The following LSG1 variants were observed in gnomAD, a reference collection of about 807,000 sequenced individuals.
LSG1 encodes the protein large subunit GTPase 1 homolog.
In LSG1, 55 loss-of-function variants were observed where a neutral mutation model predicts 82.6. That is an observed-to-expected ratio of 0.67 (90% CI 0.54 to 0.83). LSG1 has a LOEUF of 0.83. LSG1 is among the 40% of genes least tolerant of loss of function. The pLI is 0.00. For synonymous variants in LSG1, 272 were observed against 282.5 expected, an observed-to-expected ratio of 0.96 and a Z score of 0.37; for missense variants, 809 against 807.9, an observed-to-expected ratio of 1.00 and a Z score of -0.02.
intron 7 of LSG1, among the ~76,000 whole-genome samples, chr3:194,655,510 T>C (rs1577255242): frequency 1.3e-5 from 2 of 152,226 alleles, no homozygotes; most frequent in East Asian, 3.8e-4. Context: ...GGTAAGTATC[T>C]ATACTTACTG....
chr3:194,654,905 T>C (rs2108618121), intron 7 of LSG1, among the ~76,000 whole-genome samples: 2 of 152,326 alleles, frequency 1.3e-5, no homozygotes, highest in African/African-American at 4.8e-5. Flanking sequence ...TCACATTTTT[T>C]CAGAACATTC....
At chr3:194,670,528 C>T (rs1367662516) in intron 1 of LSG1, among the ~76,000 whole-genome samples, 1 of 152,118 alleles carries the variant, frequency 6.6e-6, no homozygotes, top group Non-Finnish European at 1.5e-5. Flanking sequence ...ATAAGAAATA[C>T]ATTTTACATA....
Position 194,652,830 on chromosome 3 carries a change from G to T in LSG1, c.1072C>A (p.His358Asn), listed in dbSNP as rs768252549. 3.7e-6 allele frequency: 6 copies of T among 1,614,138 alleles called. No individual in the cohort carries two copies. The Middle Eastern group carries it at 4.9e-4, about 133-fold the overall frequency. ...SRKTPQKRQI[H>N]NFSHLVSKQE... is the part of the protein sequence containing the mutation. ...TTGGATACCAGATGGCTAAAATTGT[G>T]TATCTGCCTCTTCTGTGGGGTTTTC... The change falls in exon 8 of 14, where the codon CAC becomes AAC. Residue 358 changes from histidine to asparagine, a missense_variant. Physicochemically the swap from His to Asn is moderately conservative, Grantham distance 68. Transcript: ENST00000265245.
intron 5 of LSG1, among the ~76,000 whole-genome samples, chr3:194,663,174 C>T (rs541605917): frequency 1.3e-5 from 2 of 152,158 alleles, no homozygotes; most frequent in African/African-American, 2.4e-5. Flanking sequence ...CATTTCTCTT[C>T]GGAAATTAGA....
At chr3:194,661,070 C>T (rs1419809159) in intron 5 of LSG1, among the ~76,000 whole-genome samples, 2 of 152,142 alleles carry the variant, frequency 1.3e-5, no homozygotes, top group African/African-American at 4.8e-5. Flanking sequence ...TCTGAGGCAA[C>T]TTTGCAAATA....
intron 1 of LSG1, 191 bp downstream of exon 1, chr3:194,671,873 C>G: frequency 1.6e-6 from 1 of 636,374 alleles, no homozygotes; most frequent in East Asian, 2.8e-5. Context: ...TTCTTTCAAG[C>G]TTCTCCTACC....
rs768473820 is a variant in LSG1 at position 194,648,722 on chromosome 3, T to C, written c.1502A>G (p.His501Arg). ...IITPREDEDP[H>R]RPPTSEELLT... is the part of the protein sequence containing the mutation. Reference sequence around the variant, plus strand: ...CAGTTCTTCCGATGTTGGAGGTCGGTGGGGATCTTCATCCTCTCTAGGCGT... The same window carrying C: ...CAGTTCTTCCGATGTTGGAGGTCGGCGGGGATCTTCATCCTCTCTAGGCGT... Residue 501 changes from histidine (H) to arginine (R), a missense_variant, in exon 11 of 14, where the codon CAC (histidine) becomes CGC (arginine). By Grantham distance (29) the His-to-Arg change is conservative. Coordinates refer to ENST00000265245, the MANE Select transcript of LSG1 (RefSeq NM_018385.3). 24 of 1,614,028 alleles carry C rather than the reference T, an allele frequency of 1.5e-5. No homozygotes were observed. The East Asian group carries it at 4.7e-4, about 31-fold the overall frequency.
At chr3:194,667,933 A>AAAAAAAAAAG (rs1719062766) in intron 2 of LSG1, among the ~76,000 whole-genome samples, 1 of 105,198 alleles carries the variant, frequency 9.5e-6, no homozygotes. Context: ...CAAAAAAAAA[A>AAAAAAAAAAG]AAAAAAAAAA....
Position 194,660,809 on chromosome 3 carries a change from AATAAG to A in LSG1, c.522-681_522-677del, listed in dbSNP as rs551983433. On this transcript the variant is annotated intron_variant, in intron 5 of 13. Coordinates refer to ENST00000265245, the MANE Select transcript of LSG1 (RefSeq NM_018385.3). ...TCCATCACGTATAAGAAAGTACAGC[AATAAG>A]ATAACTTTCTGCAGCTGGTGGCAAG... The A allele has an allele frequency of 7.9e-5, 36 of 455,828 alleles. No homozygotes were observed. The East Asian group carries it at 1.7e-3, about 21-fold the overall frequency. The allele number at this position is 455,828 out of a possible 1,614,324, so 28.2% of individuals were successfully genotyped here. A position where few individuals can be genotyped will look rare whatever the true frequency, so the allele number is the denominator to read the frequency against.
Position 194,653,132 on chromosome 3 carries a change from T to A in LSG1, c.770A>T (p.Asn257Ile). The A allele has an allele frequency of 6.2e-7, 1 of 1,613,316 alleles. No homozygotes were observed. Among genetic ancestry groups the A allele is most frequent in the Non-Finnish European group, 8.5e-7 (1 of 1,179,400 alleles). The change falls in exon 8 of 14, where the codon AAC (asparagine) becomes ATC (isoleucine). Residue 257 changes from asparagine to isoleucine, a missense_variant. Transcript: ENST00000265245. ...TGTGTTGCTTTGTCTATCATCTCTGTTTGCCTCTTCCTGACAAAATAATAG... is the reference window on the plus strand; with the variant it reads ...TGTGTTGCTTTGTCTATCATCTCTGATTGCCTCTTCCTGACAAAATAATAG... The part of the protein sequence containing the change: ...PLNGDSEEEA[N>I]RDDRQSNTTK...
chr3:194,666,374 GA>G (rs1348472821), intron 3 of LSG1, 77 bp downstream of exon 3: 2 of 1,599,450 alleles, frequency 1.3e-6, no homozygotes, highest in Non-Finnish European at 1.7e-6. Context: ...TGGCAGCTGA[GA>G]AAAAGAAGCA....
At chr3:194,668,566 C>G (rs954813632) in intron 2 of LSG1, among the ~76,000 whole-genome samples, 1 of 152,184 alleles carries the variant, frequency 6.6e-6, no homozygotes, top group Non-Finnish European at 1.5e-5. Flanking sequence ...GTCTGGTTTA[C>G]TCTAGCTCCT....
chr3:194,644,230 C>T (rs958146438), intron 13 of LSG1, among the ~76,000 whole-genome samples: 1 of 151,542 alleles, frequency 6.6e-6, no homozygotes, highest in Non-Finnish European at 1.5e-5. Flanking sequence ...GGCGTGGTGG[C>T]GGGCGCCTGT....
chr3:194,642,367 GC>G (rs1406595814), intron 13 of LSG1, 120 bp from the exon 14 acceptor site: 21 of 707,810 alleles, frequency 3.0e-5, no homozygotes, highest in East Asian at 6.0e-5. Flanking sequence ...GTGAACTTCC[GC>G]CCCCCTCCCC....
intron 13 of LSG1, among the ~76,000 whole-genome samples, chr3:194,644,319 G>A (rs60958848): frequency 0.04 from 5,830 of 145,602 alleles, 382 homozygotes; most frequent in African/African-American, 0.14. Context: ...CCAAGATTGC[G>A]CCACTGCAGT....
chr3:194,644,368 CAA>C (rs1395757240), intron 13 of LSG1, among the ~76,000 whole-genome samples: 1,565 of 62,026 alleles, frequency 0.025, 79 homozygotes, highest in African/African-American at 0.072. Flanking sequence ...GACTCCGTCT[CAA>C]AAAAAAAAAA....
intron 5 of LSG1, chr3:194,660,759 A>G: frequency 2.4e-6 from 1 of 410,400 alleles, no homozygotes; most frequent in South Asian, 1.7e-5. Flanking sequence ...GCCCGGCTGA[A>G]GCAGGAATGG....
chr3:194,655,988 A>G (rs1178061063), intron 7 of LSG1, among the ~76,000 whole-genome samples: 4 of 152,218 alleles, frequency 2.6e-5, no homozygotes, highest in Non-Finnish European at 5.9e-5. Context: ...TACACCTTAC[A>G]CAAAAATTAA....
At chr3:194,653,818 C>T (rs1317618107) in intron 7 of LSG1, among the ~76,000 whole-genome samples, 1 of 152,128 alleles carries the variant, frequency 6.6e-6, no homozygotes, top group Non-Finnish European at 1.5e-5. Context: ...GAGGATCGCT[C>T]AAGGCCAGGA....
Sources: allele counts gnomAD v4.1 joint callset (sites outside exome capture counted in the v4.1 genomes callset), GRCh38; gene constraint gnomAD v4.1.1; transcripts MANE v1.5; gene names NCBI Gene and HGNC (gene_info 2026-07-23, HGNC 2026-07-21).